The following STX8 variants were observed in gnomAD, a reference collection of about 807,000 sequenced individuals.
The protein encoded by STX8 is syntaxin 8, also known as syntaxin-8.
STX8 carries 23 observed loss-of-function variants against 37.5 expected under a neutral mutation model. The observed-to-expected ratio is 0.61, with a 90% CI of 0.44 to 0.87. The LOEUF (loss-of-function observed/expected upper bound fraction) is 0.87, where lower values mean the gene tolerates loss of function less well. Among genes scored for constraint, STX8 ranks in the 40% least tolerant of loss-of-function variants. STX8 has a pLI of 0.00. For synonymous variants in STX8, 115 were observed against 99.1 expected, an observed-to-expected ratio of 1.16 and a Z score of -0.95; for missense variants, 313 against 284.7, an observed-to-expected ratio of 1.10 and a Z score of -0.71.
At chr17:9,466,691 A>G (rs1401165038) in intron 6 of STX8, among the ~76,000 whole-genome samples, 1 of 152,126 alleles carries the variant, frequency 6.6e-6, no homozygotes, top group East Asian at 1.9e-4. Context: ...CCTGTGTCCA[A>G]TATGCCCTCT....
Position 9,261,748 on chromosome 17 carries a change from T to C in STX8, c.644-11103A>G, listed in dbSNP as rs148131730. ...GCCACCAAGAGCAGCAGGTTAGGAG[T>C]TGTCAAGCCAATAATTTAATGCCAA... is the stretch of plus-strand genomic sequence containing the variant. On this transcript the variant is annotated intron_variant, in intron 7 of 7. Coordinates refer to ENST00000306357, the MANE Select transcript of STX8 (RefSeq NM_004853.3). Among the ~76,000 whole-genome samples the C allele has an allele frequency of 5.0e-3, 750 of 150,836 alleles. 6 individuals are homozygous for C. Among genetic ancestry groups the C allele is most frequent in the African/African-American group, 0.017 (701 of 41,020 alleles).
chr17:9,434,269 C>T (rs989890758), intron 6 of STX8, among the ~76,000 whole-genome samples: 4 of 152,208 alleles, frequency 2.6e-5, no homozygotes, highest in Non-Finnish European at 5.9e-5. Flanking sequence ...TCCCAAAGTG[C>T]TGGGATTACA....
In STX8 at chr17:9,427,207, T is replaced by C. The variant is rs1913667199; in HGVS notation, c.542-48554A>G. 2.0e-5 allele frequency among the ~76,000 whole-genome samples: 3 copies of C among 152,290 alleles called. No homozygotes were observed. In the South Asian group the frequency reaches 6.2e-4, roughly 32 times the overall value. On this transcript the variant is annotated intron_variant, in intron 6 of 7. Transcript: ENST00000306357. ...ACATGTTCCCATAGAAATAACGTTGTATATGTGGCAGACCCGTTCCCAGGT... is the reference window on the plus strand; with the variant it reads ...ACATGTTCCCATAGAAATAACGTTGCATATGTGGCAGACCCGTTCCCAGGT...
intron 7 of STX8, among the ~76,000 whole-genome samples, chr17:9,350,249 G>A (rs982421443): frequency 2.0e-5 from 3 of 152,184 alleles, no homozygotes; most frequent in African/African-American, 4.8e-5. Context: ...GGGATGGGGT[G>A]GGATGGCGTG....
intron 7 of STX8, among the ~76,000 whole-genome samples, chr17:9,371,091 CA>C (rs1348053126): frequency 1.3e-5 from 2 of 152,110 alleles, no homozygotes; most frequent in Non-Finnish European, 2.9e-5. Flanking sequence ...AAGAACTGAA[CA>C]AACAAATTCA....
At chr17:9,326,169 C>T (rs904911874) in intron 7 of STX8, among the ~76,000 whole-genome samples, 2 of 151,606 alleles carry the variant, frequency 1.3e-5, no homozygotes, top group African/African-American at 2.4e-5. Flanking sequence ...CTCACTCTGT[C>T]ATCCAGGCTA....
intron 6 of STX8, among the ~76,000 whole-genome samples, chr17:9,483,889 G>T (rs1906459780): frequency 6.6e-6 from 1 of 152,122 alleles, no homozygotes; most frequent in Non-Finnish European, 1.5e-5. Context: ...GTGGGAATGG[G>T]AAGTACTTTT....
At chr17:9,394,268 C>A (rs1912323458) in intron 6 of STX8, among the ~76,000 whole-genome samples, 1 of 152,010 alleles carries the variant, frequency 6.6e-6, no homozygotes, top group African/African-American at 2.4e-5. Flanking sequence ...GGAGAGAGAG[C>A]AAAGTGTCTG....
At chr17:9,320,161 C>A (rs1054456843) in intron 7 of STX8, among the ~76,000 whole-genome samples, 17 of 151,374 alleles carry the variant, frequency 1.1e-4, no homozygotes, top group Non-Finnish European at 2.9e-5. Context: ...GGTGAAATCC[C>A]GTCTCTACTA....
At chr17:9,425,674 T>C (rs1312302560) in intron 6 of STX8, among the ~76,000 whole-genome samples, 2 of 152,246 alleles carry the variant, frequency 1.3e-5, no homozygotes, top group Non-Finnish European at 2.9e-5. Context: ...TCAGTAATAG[T>C]TGCAAAATAA....
chr17:9,285,970 C>G (rs1218020393), intron 7 of STX8, among the ~76,000 whole-genome samples: 5 of 152,130 alleles, frequency 3.3e-5, no homozygotes, highest in Non-Finnish European at 5.9e-5. Flanking sequence ...ATTACCGCAT[C>G]CCACACTTGC....
rs146744125 is a variant in STX8 at position 9,402,875 on chromosome 17, G to T, written c.542-24222C>A. ...TTCTTCTTCCTGCTAATGCCAGGCT[G>T]TATCAGTGACTATGGATACGGAGAA... On this transcript the variant is annotated intron_variant, in intron 6 of 7. Transcript: ENST00000306357. Among the ~76,000 whole-genome samples the T allele has an allele frequency of 3.4e-3, 525 of 152,312 alleles. 1 individual carries two copies. Among genetic ancestry groups the T allele is most frequent in the African/African-American group, 0.011 (450 of 41,566 alleles).
In STX8 at chr17:9,255,557, T is replaced by TATAAATAAATAA. The variant is rs35589958; in HGVS notation, c.644-4924_644-4913dup. On this transcript the variant is annotated intron_variant, in intron 7 of 7. Transcript: ENST00000306357. The stretch of plus-strand genomic sequence containing the variant: ...AAATAAATAAATAAATAAATAAATA[T>TATAAATAAATAA]ATAAATAAATAAATAAATAAATAAA... Among the ~76,000 whole-genome samples, 178 of 109,790 alleles carry TATAAATAAATAA rather than the reference T, an allele frequency of 1.6e-3. 1 individual carries two copies. Among genetic ancestry groups the TATAAATAAATAA allele is most frequent in the South Asian group, 3.6e-3 (12 of 3,320 alleles). The allele number at this position is 109,790 out of a possible 152,430, so 72.0% of individuals were successfully genotyped here. A position where few individuals can be genotyped will look rare whatever the true frequency, so the allele number is the denominator to read the frequency against.
chr17:9,409,325 T>C (rs1016565256), intron 6 of STX8, among the ~76,000 whole-genome samples: 11 of 152,180 alleles, frequency 7.2e-5, no homozygotes, highest in Non-Finnish European at 1.3e-4. Flanking sequence ...ATCATTTGTA[T>C]ACTATGAAAG....
rs72818045 is a variant in STX8 at position 9,474,095 on chromosome 17, C to T, written c.541+17734G>A. On this transcript the variant is annotated intron_variant, in intron 6 of 7. Coordinates refer to ENST00000306357, the MANE Select transcript of STX8 (RefSeq NM_004853.3). ...AAACCCTTGAACAAGGTTCAGGGAG[C>T]TGCTGGATTGGTGAACACATCAGTG... Among the ~76,000 whole-genome samples, 525 of 152,228 alleles carry T rather than the reference C, an allele frequency of 3.4e-3. 1 individual carries two copies. Among genetic ancestry groups the T allele is most frequent in the South Asian group, 0.015 (73 of 4,808 alleles).
chr17:9,350,525 T>TC (rs1396028093), intron 7 of STX8, among the ~76,000 whole-genome samples: 1 of 150,618 alleles, frequency 6.6e-6, no homozygotes, highest in African/African-American at 2.5e-5. Context: ...AGTGTTTTTT[T>TC]TTTTGTTTTT....
At chr17:9,460,685 A>AAAC (rs1555529263) in intron 6 of STX8, among the ~76,000 whole-genome samples, 2 of 142,400 alleles carry the variant, frequency 1.4e-5, no homozygotes, top group Non-Finnish European at 3.0e-5. Flanking sequence ...AAAAAAAAAA[A>AAAC]AAACAAAACA....
At chr17:9,271,373 G>A (rs370948454) in intron 7 of STX8, among the ~76,000 whole-genome samples, 1 of 152,320 alleles carries the variant, frequency 6.6e-6, no homozygotes, top group East Asian at 1.9e-4. Flanking sequence ...AGAATCGCTT[G>A]AACCCAGGAA....
rs567347461 is a variant in STX8 at position 9,262,144 on chromosome 17, T to G, written c.644-11499A>C. ...TTTGTCAATACACCAAATGCTTATC[T>G]CATTTGTTAAAAGGAAATCATTTGA... is the stretch of plus-strand genomic sequence containing the variant. On this transcript the variant is annotated intron_variant, in intron 7 of 7. Transcript: ENST00000306357. Among the ~76,000 whole-genome samples the G allele has an allele frequency of 4.6e-5, 7 of 152,336 alleles. No individual in the cohort carries two copies. The East Asian group carries it at 1.3e-3, about 29-fold the overall frequency.
Sources: allele counts gnomAD v4.1 joint callset (sites outside exome capture counted in the v4.1 genomes callset), GRCh38; gene constraint gnomAD v4.1.1; transcripts MANE v1.5; gene names NCBI Gene and HGNC (gene_info 2026-07-23, HGNC 2026-07-21).